Variants in ST18 observed in about 807,000 individuals in gnomAD.
ST18 encodes ST18 C2H2C-type zinc finger transcription factor, also known as suppression of tumorigenicity 18 protein.
A neutral mutation model predicts 110.0 loss-of-function variants in ST18; 50 were observed. The ratio of observed to expected loss-of-function variants is 0.45; its 90% CI spans 0.36 to 0.58. The LOEUF (loss-of-function observed/expected upper bound fraction) is 0.58. Ranked by LOEUF, ST18 falls within the 20% of genes least tolerant of loss-of-function variation. ST18 has a pLI of 0.00. For synonymous variants in ST18, 461 were observed against 452.4 expected (o/e 1.02, Z -0.24); for missense variants, 1,306 against 1,280.1 (o/e 1.02, Z -0.31).
chr8:52,385,437 T>TA (rs548295914), intron 2 of ST18, among the ~76,000 whole-genome samples: 8 of 151,826 alleles, frequency 5.3e-5, no homozygotes, highest in South Asian at 2.1e-4. Context: ...CCATCTCTAC[T>TA]AAAAAAACAA....
At chr8:52,380,098 C>T (rs1284526507) in intron 2 of ST18, among the ~76,000 whole-genome samples, 1 of 152,076 alleles carries the variant, frequency 6.6e-6, no homozygotes, top group Non-Finnish European at 1.5e-5. Flanking sequence ...ACTAGTGATC[C>T]TGGAAGAGCT....
intron 10 of ST18, among the ~76,000 whole-genome samples, chr8:52,170,455 T>TC (rs1587649722): frequency 2.5e-4 from 24 of 97,564 alleles, no homozygotes; most frequent in East Asian, 1.7e-3. Context: ...CAAAAATCAA[T>TC]AAATAAATAA....
chr8:52,131,340 G>T (rs2049496229), intron 22 of ST18, among the ~76,000 whole-genome samples: 2 of 152,160 alleles, frequency 1.3e-5, no homozygotes, highest in Non-Finnish European at 2.9e-5. Context: ...GAACCAAAAA[G>T]CTGGACAAAG....
At chr8:52,138,611 T>A (rs2053483532) in intron 17 of ST18, among the ~76,000 whole-genome samples, 1 of 152,218 alleles carries the variant, frequency 6.6e-6, no homozygotes, top group South Asian at 2.1e-4. Context: ...TGTAAGAAGG[T>A]AGTTAGTTAT....
intron 2 of ST18, among the ~76,000 whole-genome samples, chr8:52,391,732 A>G (rs1839376708): frequency 6.6e-6 from 1 of 152,198 alleles, no homozygotes; most frequent in South Asian, 2.1e-4. Context: ...TTGCAGGACA[A>G]TGAAATCACC....
chr8:52,350,388 G>T lies in ST18; in HGVS notation c.-465+58940C>A, dbSNP rs553971240. Among the ~76,000 whole-genome samples, 25 of 152,224 alleles carry T rather than the reference G, an allele frequency of 1.6e-4. No individual in the cohort carries two copies. The South Asian group carries it at 4.8e-3, about 29-fold the overall frequency. Reference sequence around the variant, plus strand: ...ACAAACGATTCTGGTGATCTCCTGTGTACAAATATGCAAGGTCTGATTTAG... The same window carrying T: ...ACAAACGATTCTGGTGATCTCCTGTTTACAAATATGCAAGGTCTGATTTAG... On this transcript the variant is annotated intron_variant, in intron 2 of 25. Coordinates refer to ENST00000689386, the MANE Select transcript of ST18 (RefSeq NM_001352837.2).
intron 2 of ST18, among the ~76,000 whole-genome samples, chr8:52,276,542 G>A (rs1285577465): frequency 6.6e-6 from 1 of 152,020 alleles, no homozygotes; most frequent in Admixed American, 6.6e-5. Flanking sequence ...ATGTTGTGTG[G>A]CAGGAGGCAA....
chr8:52,393,135 TC>T (rs1379784618), intron 2 of ST18, among the ~76,000 whole-genome samples: 1 of 152,142 alleles, frequency 6.6e-6, no homozygotes, highest in Non-Finnish European at 1.5e-5. Context: ...CATTAGGCCC[TC>T]CTGAGAACCC....
chr8:52,374,455 T>C (rs964015426), intron 2 of ST18, among the ~76,000 whole-genome samples: 2 of 152,218 alleles, frequency 1.3e-5, no homozygotes, highest in Non-Finnish European at 2.9e-5. Flanking sequence ...GATATCAGAC[T>C]TCTGGCCTCC....
intron 4 of ST18, among the ~76,000 whole-genome samples, 185 bp downstream of exon 4, chr8:52,221,455 T>TATGCTCA (rs1314401420): frequency 6.6e-5 from 10 of 152,190 alleles, no homozygotes; most frequent in African/African-American, 2.4e-4. Context: ...CTCTATGTGG[T>TATGCTCA]CCCAGGGATG....
chr8:52,345,919 T>C (rs1817518026), intron 2 of ST18, among the ~76,000 whole-genome samples: 1 of 151,978 alleles, frequency 6.6e-6, no homozygotes, highest in Non-Finnish European at 1.5e-5. Context: ...CTTAAATATA[T>C]AAAAACAAAG....
At chr8:52,339,836 A>C (rs1285061767) in intron 2 of ST18, among the ~76,000 whole-genome samples, 1 of 152,210 alleles carries the variant, frequency 6.6e-6, no homozygotes, top group Non-Finnish European at 1.5e-5. Flanking sequence ...ATTTTTGTGG[A>C]TCTTTTGACA....
chr8:52,167,613 T>C (rs895672382), intron 10 of ST18, among the ~76,000 whole-genome samples: 4 of 152,222 alleles, frequency 2.6e-5, no homozygotes, highest in Admixed American at 6.5e-5. Context: ...GGGTTCAGCA[T>C]GCAGTGAGCA....
Position 52,172,030 on chromosome 8 carries a change from G to A in ST18, c.831C>T (p.Asp277=), listed in dbSNP as rs545158949. The A allele has an allele frequency of 1.6e-4, 251 of 1,614,154 alleles. 2 individuals are homozygous for A. The South Asian group carries it at 2.5e-3, about 16-fold the overall frequency. Residue 277 remains aspartate, a synonymous_variant, in exon 10 of 26, where the codon GAC becomes GAT. Coordinates refer to ENST00000689386, the MANE Select transcript of ST18 (RefSeq NM_001352837.2). ...LDGNAQPSFP[D]VEEEDSESLA... is the part of the protein sequence containing the mutation. ...GGCTCTCGCTATCTTCCTCCTCAAC[G>A]TCAGGGAATGAGGGCTGGGCATTGC...
At chr8:52,382,576 G>A (rs757410377) in intron 2 of ST18, among the ~76,000 whole-genome samples, 16 of 151,908 alleles carry the variant, frequency 1.1e-4, no homozygotes, top group Admixed American at 8.5e-4. Flanking sequence ...GCTTGGAATC[G>A]CTGAGACACA....
intron 6 of ST18, among the ~76,000 whole-genome samples, chr8:52,214,826 A>T (rs1588636031): frequency 6.6e-6 from 1 of 152,212 alleles, no homozygotes; most frequent in East Asian, 1.9e-4. Context: ...AGTTATAATC[A>T]TTCAAATGTA....
intron 17 of ST18, chr8:52,137,692 A>G (rs1193132841): frequency 2.0e-6 from 1 of 497,694 alleles, no homozygotes; most frequent in Non-Finnish European, 3.5e-6. Context: ...ATGATGAGTT[A>G]CTTCCTTAGG....
chr8:52,189,863 T>C (rs76369535), intron 8 of ST18, among the ~76,000 whole-genome samples: 2,995 of 152,336 alleles, frequency 0.02, 47 homozygotes, highest in Non-Finnish European at 0.034. Flanking sequence ...GGTCTCTGCA[T>C]GTATAATTGG....
intron 2 of ST18, chr8:52,405,925 G>A (rs1332208079): frequency 1.3e-5 from 2 of 152,140 alleles, no homozygotes; most frequent in African/African-American, 4.8e-5. Flanking sequence ...AATTGTTGAA[G>A]CTCTCTAGAC....
Sources: gnomAD v4.1 joint callset for allele counts (sites outside exome capture counted in the v4.1 genomes callset) on GRCh38, gnomAD v4.1.1 for gene constraint, MANE v1.5 for transcripts, NCBI Gene and HGNC (gene_info 2026-07-23, HGNC 2026-07-21) for gene names.